Variants in DMC1 observed in about 807,000 individuals in gnomAD.
DMC1 encodes the protein meiotic recombination protein DMC1 homolog.
Under a neutral mutation model 50.1 loss-of-function variants are expected in DMC1, and 27 were observed. The ratio of observed to expected loss-of-function variants is 0.54; its 90% CI spans 0.40 to 0.74. DMC1 has a LOEUF of 0.74. Among genes scored for constraint, DMC1 ranks in the 30% least tolerant of loss-of-function variants. DMC1 has a pLI of 0.00. For missense variants in DMC1, 295 were observed against 420.2 expected (o/e 0.70, Z 2.60); for synonymous variants, 148 against 136.1 (o/e 1.09, Z -0.61).
chr22:38,514,965 G>C (rs1466138830), downstream of DMC1, among the ~76,000 whole-genome samples: 1 of 58,844 alleles, frequency 1.7e-5, no homozygotes, highest in Non-Finnish European at 3.4e-5. Context: ...TTTTTTTTTT[G>C]AGACAGATTC....
At position 38,549,924 on chromosome 22, in the gene DMC1, CA is replaced by C; in HGVS notation, c.494del (p.Phe165SerfsTer15). On this transcript the variant is annotated frameshift_variant and splice_region_variant, in exon 8 of 14. Coordinates refer to ENST00000216024, the MANE Select transcript of DMC1 (RefSeq NM_007068.4). LOFTEE classifies it high-confidence loss of function. ...TTAGCAACTTTAAATAAAAAGGTTA[CA>C]AAGTATTTTCTGTATCAATGAAGAT... ...KIIFIDTENT[F>X]RPDRLRDIAD... 1 of 1,609,670 alleles carries C rather than the reference CA, an allele frequency of 6.2e-7. No homozygotes were observed. Among genetic ancestry groups the C allele is most frequent in the South Asian group, 1.1e-5 (1 of 90,930 alleles).
At chr22:38,541,058 G>A (rs2090275585) in intron 8 of DMC1, among the ~76,000 whole-genome samples, 2 of 152,068 alleles carry the variant, frequency 1.3e-5, no homozygotes, top group Non-Finnish European at 2.9e-5. Context: ...AGGATTAAAC[G>A]AGTTTTACTG....
At chr22:38,521,891 G>A (rs1267855242) in intron 12 of DMC1, among the ~76,000 whole-genome samples, 167 bp from the exon 13 acceptor site, 1 of 151,916 alleles carries the variant, frequency 6.6e-6, no homozygotes, top group Non-Finnish European at 1.5e-5. Context: ...GAGTTTTGGA[G>A]CTGCTATATA....
rs2090005213 is a variant in DMC1 at position 38,519,908 on chromosome 22, T to C, written c.*112A>G. On this transcript the variant is annotated 3_prime_UTR_variant, in exon 14 of 14. Transcript: ENST00000216024. The stretch of plus-strand genomic sequence containing the variant: ...ATTTAAATCTCTTTGCTGACTTTTC[T>C]TTAGTAACATGTGGGAAAAAACCTC... 1 of 839,316 alleles carries C rather than the reference T, an allele frequency of 1.2e-6. No individual in the cohort carries two copies. Among genetic ancestry groups the C allele is most frequent in the African/African-American group, 1.7e-5 (1 of 59,890 alleles). The allele number at this position is 839,316 out of a possible 1,614,324, so 52.0% of individuals were successfully genotyped here.
At chr22:38,541,559 C>A (rs1034975784) in intron 8 of DMC1, among the ~76,000 whole-genome samples, 16 of 152,144 alleles carry the variant, frequency 1.1e-4, no homozygotes, top group African/African-American at 3.9e-4. Flanking sequence ...CTCAAAGTGA[C>A]TTATGTCGTT....
At chr22:38,528,096 C>T (rs1027870022) in intron 12 of DMC1, among the ~76,000 whole-genome samples, 1 of 148,862 alleles carries the variant, frequency 6.7e-6, no homozygotes, top group African/African-American at 2.5e-5. Flanking sequence ...GAATCTCACT[C>T]TGTCACCCAG....
chr22:38,556,650 G>A (rs2090471740), intron 5 of DMC1, among the ~76,000 whole-genome samples: 1 of 152,166 alleles, frequency 6.6e-6, no homozygotes, highest in East Asian at 1.9e-4. Flanking sequence ...TTTAAGTCAT[G>A]ATCTCATTCA....
chr22:38,539,035 CAA>C (rs201990795), intron 9 of DMC1, among the ~76,000 whole-genome samples: 3 of 112,594 alleles, frequency 2.7e-5, no homozygotes, highest in Admixed American at 9.3e-5. Context: ...GACTCCATCT[CAA>C]AAAAAAAAAA....
chr22:38,568,100 G>A, intron 2 of DMC1, 106 bp downstream of exon 2: 1 of 985,716 alleles, frequency 1.0e-6, no homozygotes, highest in Non-Finnish European at 1.6e-6. Context: ...ATATAACTAT[G>A]TGTTATTTCT....
In DMC1 at chr22:38,569,917, G is replaced by C. The variant is rs1352398010; in HGVS notation, c.-34+126C>G. ...AGATCACTAAAATTCCTCCCCAAAG[G>C]TCGGAGCGGAACGCTCAAAGTCACT... On this transcript the variant is annotated intron_variant, in intron 1 of 13. Coordinates refer to ENST00000216024, the MANE Select transcript of DMC1 (RefSeq NM_007068.4). 7 of 152,382 alleles carry C rather than the reference G, an allele frequency of 4.6e-5. No homozygotes were observed. The East Asian group carries it at 1.4e-3, about 29-fold the overall frequency. 9.4% of individuals were successfully genotyped at this position (152,382 alleles called of 1,614,324 possible).
chr22:38,514,246 CTTTTTTTTTTTTT>C (rs142872124), downstream of DMC1, among the ~76,000 whole-genome samples: 6 of 71,334 alleles, frequency 8.4e-5, no homozygotes, highest in South Asian at 2.2e-3. Flanking sequence ...GTTAGGTATT[CTTTTTTTTTTTTT>C]TTTTTTTTTT....
intron 5 of DMC1, among the ~76,000 whole-genome samples, chr22:38,557,614 G>A (rs1477783463): frequency 2.6e-5 from 4 of 152,120 alleles, no homozygotes; most frequent in East Asian, 1.9e-4. Context: ...GCAGTGAGCC[G>A]TGATGGAGCC....
intron 4 of DMC1, among the ~76,000 whole-genome samples, chr22:38,564,473 C>T (rs986473170): frequency 2.0e-5 from 3 of 152,034 alleles, no homozygotes; most frequent in Non-Finnish European, 4.4e-5. Context: ...CCATGCCTGG[C>T]TAATTTTTGT....
At chr22:38,559,056 G>C (rs1393277248) in intron 5 of DMC1, among the ~76,000 whole-genome samples, 1 of 152,130 alleles carries the variant, frequency 6.6e-6, no homozygotes, top group East Asian at 1.9e-4. Flanking sequence ...TTGAGACTGA[G>C]TCTCACTCTA....
intron 12 of DMC1, among the ~76,000 whole-genome samples, chr22:38,535,079 C>T (rs2090195636): frequency 2.0e-5 from 3 of 151,868 alleles, no homozygotes; most frequent in African/African-American, 4.8e-5. Context: ...GCAGGTGGAT[C>T]GTGAGGTCAA....
intron 4 of DMC1, among the ~76,000 whole-genome samples, chr22:38,564,301 TTC>T (rs950789743): frequency 1.3e-5 from 2 of 152,008 alleles, no homozygotes; most frequent in African/African-American, 4.8e-5. Context: ...TGAGATACCC[TTC>T]TCTCTCTCTC....
At chr22:38,563,978 G>A (rs1030871117) in intron 4 of DMC1, among the ~76,000 whole-genome samples, 13 of 152,250 alleles carry the variant, frequency 8.5e-5, no homozygotes, top group Non-Finnish European at 1.5e-4. Flanking sequence ...GGGATTACAG[G>A]CGTGAGCCAC....
At chr22:38,517,456 T>C (rs62228902), downstream of DMC1, among the ~76,000 whole-genome samples, 13,325 of 151,728 alleles carry the variant, frequency 0.088, 1,411 homozygotes, top group African/African-American at 0.25. Context: ...GTAATCCTAG[T>C]TACTCGGGAG....
chr22:38,536,116 T>C (rs889076133), intron 12 of DMC1, among the ~76,000 whole-genome samples: 47 of 151,796 alleles, frequency 3.1e-4, no homozygotes, highest in African/African-American at 1.1e-3. Context: ...CTCGGGAGGC[T>C]GAGGCTGGAG....
Sources: gnomAD v4.1 joint callset for allele counts (sites outside exome capture counted in the v4.1 genomes callset) on GRCh38, gnomAD v4.1.1 for gene constraint, MANE v1.5 for transcripts, NCBI Gene and HGNC (gene_info 2026-07-23, HGNC 2026-07-21) for gene names.